MAP2K5: variants seen among roughly 807,000 people sequenced by gnomAD.
MAP2K5 encodes dual specificity mitogen-activated protein kinase kinase 5.
In MAP2K5, 49 loss-of-function variants were observed where a neutral mutation model predicts 83.1. That is an observed-to-expected ratio of 0.59 (90% CI 0.47 to 0.75). The LOEUF is 0.75. Among genes scored for constraint, MAP2K5 ranks in the 30% least tolerant of loss-of-function variants. The probability of loss-of-function intolerance (pLI) is 0.00; values close to 1 mark genes in which losing one functional copy is unlikely to be tolerated. For synonymous variants in MAP2K5, 202 were observed against 191.8 expected (o/e 1.05, Z -0.44); for missense variants, 457 against 557.5 (o/e 0.82, Z 1.82).
At position 67,765,513 on chromosome 15, in the gene MAP2K5, GAC is replaced by G. The variant is rs1375304316; in HGVS notation, c.1135-4085_1135-4084del. 3.3e-5 allele frequency among the ~76,000 whole-genome samples: 5 copies of G among 152,128 alleles called. No homozygotes were observed. In the East Asian group the frequency reaches 7.7e-4, roughly 23 times the overall value. On this transcript the variant is annotated intron_variant, in intron 19 of 21. Coordinates refer to ENST00000178640, the MANE Select transcript of MAP2K5 (RefSeq NM_145160.3). ...GTTGCAGGGTGGAGGGTAGATTAAT[GAC>G]ACAGATTATTCTAAAGCCAAGATAC...
Position 67,777,610 on chromosome 15 carries a change from A to G in MAP2K5, c.1242+4858A>G, listed in dbSNP as rs908729216. ...ATGTAAATGCGTGAGGCACAGCTGG[A>G]TATTGCAGAGGAGTTTGATTTACTA... On this transcript the variant is annotated intron_variant, in intron 21 of 21. Transcript: ENST00000178640. This position sits in a 1 kb window ranked among gnomAD's most constrained non-coding sequence, Gnocchi z 6.0. Among the ~76,000 whole-genome samples the G allele has an allele frequency of 9.8e-5, 15 of 152,346 alleles. No individual in the cohort carries two copies. The highest frequency in any genetic ancestry group is 3.6e-4 in the African/African-American group (15 of 41,578).
At position 67,555,148 on chromosome 15, in the gene MAP2K5, T is replaced by G. The variant is rs571728332; in HGVS notation, c.184+5066T>G. 6.6e-6 allele frequency among the ~76,000 whole-genome samples: 1 copy of G among 152,212 alleles called. No individual in the cohort carries two copies. Among genetic ancestry groups the G allele is most frequent in the African/African-American group, 2.4e-5 (1 of 41,470 alleles). ...TAAAAGGACCTCTTTTAGGTCCTTA[T>G]TCTCCATTACATCTAGAGCTCACAG... On this transcript the variant is annotated intron_variant, in intron 2 of 21. Transcript: ENST00000178640. This position sits in a 1 kb window ranked among gnomAD's most constrained non-coding sequence, Gnocchi z 5.2.
rs572243662 is a variant in MAP2K5, at chr15:67,577,778, A to C, written c.253-2976A>C. The stretch of plus-strand genomic sequence containing the variant: ...CACTTTGGGAGGCCAAGGCAGGTGG[A>C]TCACCTGAGGTCAGGAGTTTGAGAC... On this transcript the variant is annotated intron_variant, in intron 3 of 21. Coordinates refer to ENST00000178640, the MANE Select transcript of MAP2K5 (RefSeq NM_145160.3). This position sits in a 1 kb window ranked among gnomAD's most constrained non-coding sequence, Gnocchi z 4.1. 7.2e-5 allele frequency among the ~76,000 whole-genome samples: 11 copies of C among 152,302 alleles called. No homozygotes were observed. The highest frequency in any genetic ancestry group is 2.6e-4 in the African/African-American group (11 of 41,570).
chr15:67,667,952 G>T (rs560555532), intron 13 of MAP2K5, among the ~76,000 whole-genome samples: 2 of 152,084 alleles, frequency 1.3e-5, no homozygotes, highest in South Asian at 4.1e-4. Flanking sequence ...AATAAGCAGC[G>T]GCAAACCACT....
chr15:67,713,552 A>G (rs913811670), intron 16 of MAP2K5, among the ~76,000 whole-genome samples: 8 of 152,240 alleles, frequency 5.3e-5, no homozygotes, highest in African/African-American at 1.9e-4. Flanking sequence ...CCTGGCCAAC[A>G]TGGCAAAACC....
rs575683413 is a variant in MAP2K5, at chr15:67,746,033, G to T, written c.1075-2198G>T. ...GTATAGTTATAAGATTATAAAAAAA[G>T]ACTTTGATATTGCTGTTTTTCTCTT... On this transcript the variant is annotated intron_variant, in intron 17 of 21. Coordinates refer to ENST00000178640, the MANE Select transcript of MAP2K5 (RefSeq NM_145160.3). This position sits in a 1 kb window ranked among gnomAD's most constrained non-coding sequence, Gnocchi z 4.1. 2.2e-4 allele frequency among the ~76,000 whole-genome samples: 33 copies of T among 152,244 alleles called. No individual in the cohort carries two copies. The highest frequency in any genetic ancestry group is 7.9e-4 in the African/African-American group (33 of 41,542).
chr15:67,750,891 T>C lies in MAP2K5; in HGVS notation c.1134+2290T>C, dbSNP rs1425390830. The stretch of plus-strand genomic sequence containing the variant: ...GTTGCTAGTATATACTATTTCCTGT[T>C]AGAGAAAAGTCAGATCAAAAATTAC... On this transcript the variant is annotated intron_variant, in intron 19 of 21. Coordinates refer to ENST00000178640, the MANE Select transcript of MAP2K5 (RefSeq NM_145160.3). The surrounding 1 kb of genome is among the most constrained non-coding windows in gnomAD (Gnocchi z 4.2). Among the ~76,000 whole-genome samples the C allele has an allele frequency of 4.6e-5, 7 of 152,044 alleles. No individual in the cohort carries two copies. Among genetic ancestry groups the C allele is most frequent in the Admixed American group, 1.3e-4 (2 of 15,258 alleles).
At chr15:67,673,968 C>T (rs1380436558) in intron 13 of MAP2K5, among the ~76,000 whole-genome samples, 2 of 152,090 alleles carry the variant, frequency 1.3e-5, no homozygotes, top group Non-Finnish European at 2.9e-5. Flanking sequence ...CCTGCCCCAG[C>T]CTTCCAAGTA....
At position 67,555,397 on chromosome 15, in the gene MAP2K5, C is replaced by T. The variant is rs1221590815; in HGVS notation, c.184+5315C>T. 3.9e-5 allele frequency among the ~76,000 whole-genome samples: 6 copies of T among 152,150 alleles called. No individual in the cohort carries two copies. Among genetic ancestry groups the T allele is most frequent in the Non-Finnish European group, 5.9e-5 (4 of 68,024 alleles). On this transcript the variant is annotated intron_variant, in intron 2 of 21. Transcript: ENST00000178640. This position sits in a 1 kb window ranked among gnomAD's most constrained non-coding sequence, Gnocchi z 5.2. ...GTCATTCATGGGGGATCCACCCCCACGACAAAAACACCTCCTTCCAGGCCC... is the reference window on the plus strand; with the variant it reads ...GTCATTCATGGGGGATCCACCCCCATGACAAAAACACCTCCTTCCAGGCCC...
In MAP2K5 at chr15:67,790,387, G is replaced by A. The variant is rs2090495174; in HGVS notation, c.1243-16259G>A. ...TGAGGTCTTTCCACAGAGCGCCCAA[G>A]GTCCCATTGCATTATATCATGCAAT... On this transcript the variant is annotated intron_variant, in intron 21 of 21. Transcript: ENST00000178640. The surrounding 1 kb of genome is among the most constrained non-coding windows in gnomAD (Gnocchi z 4.6). 6.6e-6 allele frequency among the ~76,000 whole-genome samples: 1 copy of A among 152,128 alleles called. No homozygotes were observed. The highest frequency in any genetic ancestry group is 1.5e-5 in the Non-Finnish European group (1 of 68,032).
chr15:67,621,477 A>G (rs1315333287), intron 8 of MAP2K5, among the ~76,000 whole-genome samples: 3 of 151,742 alleles, frequency 2.0e-5, no homozygotes, highest in African/African-American at 7.2e-5. Context: ...GTGAAAATTC[A>G]AGAAACAATT....
In MAP2K5 at chr15:67,577,492, A is replaced by T. The variant is rs913284552; in HGVS notation, c.253-3262A>T. On this transcript the variant is annotated intron_variant, in intron 3 of 21. Coordinates refer to ENST00000178640, the MANE Select transcript of MAP2K5 (RefSeq NM_145160.3). The surrounding 1 kb of genome is among the most constrained non-coding windows in gnomAD (Gnocchi z 4.1). ...AACTTGAAGTAATATTATGAAGGTT[A>T]CTTTGTTACATTTCTGTCCAAGCTA... 1.4e-4 allele frequency among the ~76,000 whole-genome samples: 22 copies of T among 152,214 alleles called. No homozygotes were observed. Among genetic ancestry groups the T allele is most frequent in the African/African-American group, 5.1e-4 (21 of 41,458 alleles).
chr15:67,692,292 G>T (rs1378823704), intron 13 of MAP2K5, among the ~76,000 whole-genome samples, 187 bp from the exon 14 acceptor site: 1 of 152,088 alleles, frequency 6.6e-6, no homozygotes, highest in African/African-American at 2.4e-5. Context: ...GAACGTGGAG[G>T]AGTTAAGACC....
At chr15:67,655,029 C>T (rs1209664455) in intron 11 of MAP2K5, among the ~76,000 whole-genome samples, 1 of 150,118 alleles carries the variant, frequency 6.7e-6, no homozygotes, top group Admixed American at 6.6e-5. Context: ...TGTGCCACTG[C>T]ACTCCAGACT....
At chr15:67,756,073 C>A (rs570681865) in intron 19 of MAP2K5, among the ~76,000 whole-genome samples, 2 of 152,320 alleles carry the variant, frequency 1.3e-5, no homozygotes, top group African/African-American at 2.4e-5. Flanking sequence ...CACAAAGGCC[C>A]TTTTCCTAGA....
At position 67,769,542 on chromosome 15, in the gene MAP2K5, A is replaced by G; in HGVS notation, c.1135-60A>G. 1 of 1,455,542 alleles carries G rather than the reference A, an allele frequency of 6.9e-7. No homozygotes were observed. Among genetic ancestry groups the G allele is most frequent in the Non-Finnish European group, 9.6e-7 (1 of 1,036,928 alleles). 90.2% of individuals were successfully genotyped at this position (1,455,542 alleles called of 1,614,324 possible). A position where few individuals can be genotyped will look rare whatever the true frequency, so the allele number is the denominator to read the frequency against. On this transcript the variant is annotated intron_variant, in intron 19 of 21. Coordinates refer to ENST00000178640, the MANE Select transcript of MAP2K5 (RefSeq NM_145160.3). This position sits in a 1 kb window ranked among gnomAD's most constrained non-coding sequence, Gnocchi z 5.2. ...CATCCTTCACATGGGTGGGTGGGGA[A>G]TATAAAGAAAGAGAAGGAACTGTTG... is the stretch of plus-strand genomic sequence containing the variant.
At chr15:67,751,256 G>C (rs905231916) in intron 19 of MAP2K5, among the ~76,000 whole-genome samples, 2 of 151,896 alleles carry the variant, frequency 1.3e-5, no homozygotes, top group Non-Finnish European at 2.9e-5. Flanking sequence ...GACCTGGGAG[G>C]GTGGCCAAAG....
At chr15:67,655,019 T>A (rs2087035223) in intron 11 of MAP2K5, among the ~76,000 whole-genome samples, 1 of 151,334 alleles carries the variant, frequency 6.6e-6, no homozygotes, top group Admixed American at 6.6e-5. Context: ...GAGCCGAGAT[T>A]GTGCCACTGC....
chr15:67,709,193 G>T (rs1272324808), intron 16 of MAP2K5, among the ~76,000 whole-genome samples: 1 of 152,162 alleles, frequency 6.6e-6, no homozygotes, highest in Non-Finnish European at 1.5e-5. Flanking sequence ...CCACATATGG[G>T]ATTTGTGTGG....
Sources: gnomAD v4.1 joint callset for allele counts (sites outside exome capture counted in the v4.1 genomes callset) on GRCh38, gnomAD v4.1.1 for gene constraint, Gnocchi (gnomAD v3.1) non-coding constraint, MANE v1.5 for transcripts, NCBI Gene and HGNC (gene_info 2026-07-23, HGNC 2026-07-21) for gene names.